KCNK10: variants seen among roughly 807,000 people sequenced by gnomAD.
KCNK10 encodes the protein potassium channel subfamily K member 10.
In KCNK10, 25 loss-of-function variants were observed where a neutral mutation model predicts 47.7. The ratio of observed to expected loss-of-function variants is 0.52; its 90% CI spans 0.38 to 0.73. The LOEUF (loss-of-function observed/expected upper bound fraction) is 0.73, where lower values mean the gene tolerates loss of function less well. Among genes scored for constraint, KCNK10 ranks in the 30% least tolerant of loss-of-function variants. The pLI is 0.00. For synonymous variants in KCNK10, 303 were observed against 285.6 expected, an observed-to-expected ratio of 1.06 and a Z score of -0.61; for missense variants, 563 against 714.5, an observed-to-expected ratio of 0.79 and a Z score of 2.42.
intron 2 of KCNK10, among the ~76,000 whole-genome samples, chr14:88,249,251 AG>A (rs2139901313): frequency 6.6e-6 from 1 of 152,386 alleles, no homozygotes; most frequent in African/African-American, 2.4e-5. Context: ...TCCATAGAGA[AG>A]GAAGGAAAAA....
At chr14:88,296,768 C>T (rs550604041) in intron 1 of KCNK10, among the ~76,000 whole-genome samples, 1 of 152,272 alleles carries the variant, frequency 6.6e-6, no homozygotes, top group Admixed American at 6.5e-5. Flanking sequence ...GTCCTAGTGT[C>T]CCTGGACCAA....
At position 88,185,385 on chromosome 14, in the gene KCNK10, T is replaced by A. The variant is rs1225239589; in HGVS notation, c.*150A>T. 1.7e-6 allele frequency: 2 copies of A among 1,146,674 alleles called. No individual in the cohort carries two copies. The highest frequency in any genetic ancestry group is 5.8e-5 in the Admixed American group (2 of 34,532). 71.0% of individuals were successfully genotyped at this position (1,146,674 alleles called of 1,614,324 possible). ...TGATTCCTTTTGGCAGAGCAAGCTT[T>A]CAGTTGTTTATGGCACAGTGAAATA... On this transcript the variant is annotated 3_prime_UTR_variant, in exon 7 of 7. Transcript: ENST00000319231. This position sits in a 1 kb window ranked among gnomAD's most constrained non-coding sequence, Gnocchi z 4.3.
chr14:88,194,537 T>G (rs1297094015), intron 4 of KCNK10, among the ~76,000 whole-genome samples: 3 of 152,212 alleles, frequency 2.0e-5, no homozygotes, highest in Admixed American at 2.0e-4. Context: ...GATGTGAATG[T>G]AATTGCAATC....
At chr14:88,290,748 A>G (rs1887858285) in intron 1 of KCNK10, among the ~76,000 whole-genome samples, 1 of 152,236 alleles carries the variant, frequency 6.6e-6, no homozygotes, top group Non-Finnish European at 1.5e-5. Context: ...ATTCTTGCCA[A>G]TGTCCCTATA....
At chr14:88,193,076 C>T (rs375550891) in intron 4 of KCNK10, among the ~76,000 whole-genome samples, 1 of 152,184 alleles carries the variant, frequency 6.6e-6, no homozygotes, top group South Asian at 2.1e-4. Flanking sequence ...GTGCTGTGAT[C>T]ATCATGTGTG....
upstream of KCNK10, chr14:88,326,371 C>T (rs1417223330): frequency 1.3e-6 from 2 of 1,553,136 alleles, no homozygotes; most frequent in Non-Finnish European, 1.8e-6. Flanking sequence ...CCCCCTCCAT[C>T]CCCTTCGGTT....
In KCNK10 at chr14:88,310,153, C is replaced by A. The variant is rs1420942978; in HGVS notation, c.52+12594G>T. 6.0e-3 allele frequency among the ~76,000 whole-genome samples: 51 copies of A among 8,446 alleles called. 4 individuals carry two copies. The highest frequency in any genetic ancestry group is 0.028 in the African/African-American group (51 of 1,820). The allele number at this position is 8,446 out of a possible 152,430, so 5.5% of individuals were successfully genotyped here. A position where few individuals can be genotyped will look rare whatever the true frequency, so the allele number is the denominator to read the frequency against. ...GGAGCTGATGTTTTAATCCATATCTCTCTCATATACCATATCATATGGTAT... is the reference window on the plus strand; with the variant it reads ...GGAGCTGATGTTTTAATCCATATCTATCTCATATACCATATCATATGGTAT... On this transcript the variant is annotated intron_variant, in intron 1 of 6. Coordinates refer to ENST00000319231, the MANE Select transcript of KCNK10 (RefSeq NM_138317.3).
chr14:88,260,809 C>T lies in KCNK10; in HGVS notation c.402+2393G>A, dbSNP rs1421562612. On this transcript the variant is annotated intron_variant, in intron 2 of 6. Transcript: ENST00000319231. The surrounding 1 kb of genome is among the most constrained non-coding windows in gnomAD (Gnocchi z 4.5). ...GTTATAAAATTATCTTAAATGCACACACGTGTGTATGTGCAAACACATTCA... is the reference window on the plus strand; with the variant it reads ...GTTATAAAATTATCTTAAATGCACATACGTGTGTATGTGCAAACACATTCA... Among the ~76,000 whole-genome samples, 1 of 152,178 alleles carries T rather than the reference C, an allele frequency of 6.6e-6. No homozygotes were observed. The highest frequency in any genetic ancestry group is 1.5e-5 in the Non-Finnish European group (1 of 68,040).
chr14:88,241,850 G>A (rs554674395), intron 2 of KCNK10, among the ~76,000 whole-genome samples: 3 of 152,270 alleles, frequency 2.0e-5, no homozygotes, highest in South Asian at 4.1e-4. Flanking sequence ...TCCCTCCCTA[G>A]CCTCATCACG....
intron 1 of KCNK10, among the ~76,000 whole-genome samples, chr14:88,264,555 G>C (rs1887204203): frequency 6.6e-6 from 1 of 152,186 alleles, no homozygotes; most frequent in Non-Finnish European, 1.5e-5. Context: ...AAAAGTCAAA[G>C]AGCAGGCTAT....
At position 88,260,296 on chromosome 14, in the gene KCNK10, C is replaced by G. The variant is rs1456368607; in HGVS notation, c.402+2906G>C. Among the ~76,000 whole-genome samples, 1 of 152,172 alleles carries G rather than the reference C, an allele frequency of 6.6e-6. No homozygotes were observed. The highest frequency in any genetic ancestry group is 1.5e-5 in the Non-Finnish European group (1 of 68,042). ...ATCCCTCCCTTTGCTCTCTCTTCCT[C>G]CTGCTCCAGCCATATAGGACATGCC... On this transcript the variant is annotated intron_variant, in intron 2 of 6. Transcript: ENST00000319231. The surrounding 1 kb of genome is among the most constrained non-coding windows in gnomAD (Gnocchi z 4.5).
At chr14:88,215,066 C>T (rs1885575742) in intron 4 of KCNK10, among the ~76,000 whole-genome samples, 1 of 152,106 alleles carries the variant, frequency 6.6e-6, no homozygotes, top group South Asian at 2.1e-4. Flanking sequence ...GCATTCCAAA[C>T]TCATATAATT....
intron 1 of KCNK10, among the ~76,000 whole-genome samples, chr14:88,283,418 C>T (rs1320768194): frequency 6.6e-6 from 1 of 152,206 alleles, no homozygotes; most frequent in Non-Finnish European, 1.5e-5. Flanking sequence ...GTAGAAAAGA[C>T]TTTAACTAGT....
chr14:88,222,440 A>T (rs1018944066), intron 4 of KCNK10, among the ~76,000 whole-genome samples: 8 of 152,208 alleles, frequency 5.3e-5, no homozygotes. Flanking sequence ...TAGGAGAGTG[A>T]AATACTATGT....
At chr14:88,213,151 C>A (rs1771232576) in intron 4 of KCNK10, among the ~76,000 whole-genome samples, 1 of 152,178 alleles carries the variant, frequency 6.6e-6, no homozygotes, top group Non-Finnish European at 1.5e-5. Context: ...AGATCACACA[C>A]CCAGCTCCGT....
At chr14:88,195,942 G>A (rs565927693) in intron 4 of KCNK10, among the ~76,000 whole-genome samples, 61 of 152,296 alleles carry the variant, frequency 4.0e-4, no homozygotes, top group African/African-American at 1.2e-3. Context: ...AAGCAGAGCC[G>A]CTAGCAGAAA....
At chr14:88,217,876 C>T (rs1303192006) in intron 4 of KCNK10, among the ~76,000 whole-genome samples, 1 of 152,126 alleles carries the variant, frequency 6.6e-6, no homozygotes, top group Non-Finnish European at 1.5e-5. Flanking sequence ...GCACACACCA[C>T]CATGCCAGGC....
intron 2 of KCNK10, among the ~76,000 whole-genome samples, chr14:88,259,275 T>G (rs972875526): frequency 6.6e-6 from 1 of 152,200 alleles, no homozygotes; most frequent in African/African-American, 2.4e-5. Flanking sequence ...GTGCAATGAT[T>G]TGACACAGAT....
chr14:88,269,820 G>C (rs112108949), intron 1 of KCNK10, among the ~76,000 whole-genome samples: 1 of 152,108 alleles, frequency 6.6e-6, no homozygotes, highest in African/African-American at 2.4e-5. Flanking sequence ...AGGAAACTAC[G>C]GGCCAGAGAG....
Sources: gnomAD v4.1 joint callset for allele counts (sites outside exome capture counted in the v4.1 genomes callset) on GRCh38, gnomAD v4.1.1 for gene constraint, Gnocchi (gnomAD v3.1) non-coding constraint, MANE v1.5 for transcripts, NCBI Gene and HGNC (gene_info 2026-07-23, HGNC 2026-07-21) for gene names.